Variants in IL7 observed in about 807,000 individuals in gnomAD.
IL7 encodes interleukin 7.
Under a neutral mutation model 21.6 loss-of-function variants are expected in IL7, and 3 were observed. The observed-to-expected ratio is 0.14, with a 90% CI of 0.06 to 0.36. The LOEUF is 0.36. Ranked by LOEUF, IL7 falls within the 10% of genes least tolerant of loss-of-function variation. The pLI is 1.00. For missense variants in IL7, 175 were observed against 200.2 expected (o/e 0.87, Z 0.76); for synonymous variants, 62 against 68.1 (o/e 0.91, Z 0.44).
chr8:78,805,018 G>T lies in IL7; in HGVS notation c.-96C>A. 3 of 1,390,842 alleles carry T rather than the reference G, an allele frequency of 2.2e-6. No homozygotes were observed. Among genetic ancestry groups the T allele is most frequent in the Admixed American group, 2.1e-5 (1 of 48,748 alleles). The allele number at this position is 1,390,842 out of a possible 1,614,324, so 86.2% of individuals were successfully genotyped here. On this transcript the variant is annotated 5_prime_UTR_variant, in exon 1 of 6. Coordinates refer to ENST00000263851, the MANE Select transcript of IL7 (RefSeq NM_000880.4). ...CACTCCCAGGACCCTGGTCTTCCGC[G>T]GAGTTGCCGAGTCTGTGTTGGGCAG...
chr8:78,798,104 T>C lies in IL7; in HGVS notation c.115A>G (p.Ser39Gly). The C allele has an allele frequency of 6.2e-7, 1 of 1,612,076 alleles. No individual in the cohort carries two copies. The highest frequency in any genetic ancestry group is 8.5e-7 in the Non-Finnish European group (1 of 1,178,616). ...IEGKDGKQYESVLMVSIDQLL... is the reference protein window; with the variant it reads ...IEGKDGKQYEGVLMVSIDQLL... ...TGATCGATGCTGACCATTAGAACACTCTCATATTGTTTGCCATCTTTACCT... is the reference window on the plus strand; with the variant it reads ...TGATCGATGCTGACCATTAGAACACCCTCATATTGTTTGCCATCTTTACCT... Residue 39 changes from serine to glycine, a missense_variant, in exon 2 of 6, where the codon AGT (serine) becomes GGT (glycine). Transcript: ENST00000263851.
chr8:78,723,782 C>G (rs1811291144), intron 3 of IL7: 1 of 224,852 alleles, frequency 4.4e-6, no homozygotes, highest in Non-Finnish European at 1.0e-5. Flanking sequence ...TCATTAATAA[C>G]TAAGCATGCC....
chr8:78,734,545 C>A (rs959881406), intron 5 of IL7, among the ~76,000 whole-genome samples: 1 of 152,150 alleles, frequency 6.6e-6, no homozygotes, highest in Non-Finnish European at 1.5e-5. Context: ...ATACCAGTGA[C>A]TTTTACCCCT....
At position 78,705,975 on chromosome 8, in the gene IL7, TC is replaced by T. The variant is rs1810760335; in HGVS notation, n.214+15372del. 2.0e-5 allele frequency among the ~76,000 whole-genome samples: 3 copies of T among 152,000 alleles called. No individual in the cohort carries two copies. The South Asian group carries it at 6.2e-4, about 32-fold the overall frequency. ...ATGGTTGGAGGTCCCAGTTGTGAGG[TC>T]CTGCTCTGTGATGAGGAATGGATTG... On this transcript the variant is annotated intron_variant and non_coding_transcript_variant, in intron 3 of 4. Transcript: ENST00000523959.
intron 4 of IL7, chr8:78,678,752 C>A (rs1462193159): frequency 2.0e-6 from 2 of 1,009,510 alleles, no homozygotes; most frequent in Admixed American, 2.7e-5. Context: ...TTATCTGTTA[C>A]AGTAAGGTTA....
In IL7 at chr8:78,805,000, A is replaced by G; in HGVS notation, c.-78T>C. ...GCTCTCACCGCCCATAGTCACTCCC[A>G]GGACCCTGGTCTTCCGCGGAGTTGC... On this transcript the variant is annotated 5_prime_UTR_variant, in exon 1 of 6. Transcript: ENST00000263851. 2.6e-6 allele frequency: 4 copies of G among 1,515,676 alleles called. No homozygotes were observed. The highest frequency in any genetic ancestry group is 3.6e-6 in the Non-Finnish European group (4 of 1,108,964). 93.9% of individuals were successfully genotyped at this position (1,515,676 alleles called of 1,614,324 possible).
intron 2 of IL7, among the ~76,000 whole-genome samples, chr8:78,754,572 G>T (rs535668653): frequency 6.6e-6 from 1 of 152,092 alleles, no homozygotes; most frequent in Admixed American, 6.5e-5. Flanking sequence ...AAAAGAGCCC[G>T]TATAGCCAAG....
intron 2 of IL7, among the ~76,000 whole-genome samples, chr8:78,791,126 C>A (rs1030058351): frequency 3.3e-5 from 5 of 152,090 alleles, no homozygotes; most frequent in African/African-American, 4.8e-5. Flanking sequence ...AAGACAAGTT[C>A]TTTCTTCTCC....
At chr8:78,692,114 A>C (rs373617884) in intron 3 of IL7, among the ~76,000 whole-genome samples, 1 of 152,168 alleles carries the variant, frequency 6.6e-6, no homozygotes, top group African/African-American at 2.4e-5. Context: ...TCACCATGCT[A>C]TGCAGTATAT....
At chr8:78,804,293 CAAAA>C (rs1369361530) in intron 1 of IL7, among the ~76,000 whole-genome samples, 1 of 152,026 alleles carries the variant, frequency 6.6e-6, no homozygotes, top group South Asian at 2.1e-4. Flanking sequence ...AAAACAAAAA[CAAAA>C]AAACCCAGAA....
At chr8:78,703,227 T>C (rs947410231) in intron 3 of IL7, among the ~76,000 whole-genome samples, 1 of 152,124 alleles carries the variant, frequency 6.6e-6, no homozygotes, top group African/African-American at 2.4e-5. Flanking sequence ...ATGTGCCAGA[T>C]GGTGATGAGA....
At chr8:78,793,574 G>A (rs1813763817) in intron 2 of IL7, among the ~76,000 whole-genome samples, 2 of 152,174 alleles carry the variant, frequency 1.3e-5, no homozygotes, top group Admixed American at 1.3e-4. Context: ...CCTTCAGGGT[G>A]TTGTAAACTT....
intron 2 of IL7, among the ~76,000 whole-genome samples, chr8:78,748,193 T>C (rs1368810974): frequency 1.3e-5 from 2 of 152,340 alleles, no homozygotes; most frequent in East Asian, 3.9e-4. Flanking sequence ...AATTAATGTA[T>C]TTGTACTTAC....
At chr8:78,771,271 C>G (rs1043829090) in intron 2 of IL7, among the ~76,000 whole-genome samples, 18 of 151,032 alleles carry the variant, frequency 1.2e-4, no homozygotes, top group Non-Finnish European at 2.1e-4. Context: ...CCACTTCCAG[C>G]TCTGGCTTGA....
At chr8:78,744,089 G>T (rs1238444920) in intron 2 of IL7, among the ~76,000 whole-genome samples, 1 of 151,832 alleles carries the variant, frequency 6.6e-6, no homozygotes, top group East Asian at 1.9e-4. Flanking sequence ...TATAGAAGCA[G>T]TCTGGCCATG....
chr8:78,699,869 T>C lies in IL7; in HGVS notation n.215-13922A>G, dbSNP rs140836810. On this transcript the variant is annotated intron_variant and non_coding_transcript_variant, in intron 3 of 4. Coordinates refer to the IL7 transcript ENST00000523959. Reference sequence around the variant, plus strand: ...TATATTTTCTTTATCCAGTATATCATTGATGGACATTTAGGTTGATTCCAT... The same window carrying C: ...TATATTTTCTTTATCCAGTATATCACTGATGGACATTTAGGTTGATTCCAT... 8.3e-3 allele frequency among the ~76,000 whole-genome samples: 1,259 copies of C among 152,288 alleles called. 19 individuals carry two copies. Among genetic ancestry groups the C allele is most frequent in the African/African-American group, 0.028 (1,166 of 41,568 alleles).
At chr8:78,714,690 T>C (rs1811045149), downstream of IL7, among the ~76,000 whole-genome samples, 1 of 152,330 alleles carries the variant, frequency 6.6e-6, no homozygotes, top group South Asian at 2.1e-4. Flanking sequence ...TAGCCCAGGC[T>C]GTGCAGTTGG....
chr8:78,755,755 G>A (rs917222324), intron 2 of IL7, among the ~76,000 whole-genome samples: 1 of 151,816 alleles, frequency 6.6e-6, no homozygotes, highest in Non-Finnish European at 1.5e-5. Context: ...ATTTTTCTAT[G>A]TATAATCATG....
chr8:78,758,030 C>T (rs1348323342), intron 2 of IL7, among the ~76,000 whole-genome samples: 1 of 152,000 alleles, frequency 6.6e-6, no homozygotes, highest in Non-Finnish European at 1.5e-5. Context: ...TACACCATGA[C>T]TGTGAGACCT....
Sources: allele counts gnomAD v4.1 joint callset (sites outside exome capture counted in the v4.1 genomes callset), GRCh38; gene constraint gnomAD v4.1.1; transcripts MANE v1.5; gene names NCBI Gene and HGNC (gene_info 2026-07-23, HGNC 2026-07-21).